The following TMEM178B variants were observed in gnomAD, a reference collection of about 807,000 sequenced individuals.
TMEM178B encodes the protein transmembrane protein 178B.
In TMEM178B, 5 loss-of-function variants were observed where a neutral mutation model predicts 31.0. The ratio of observed to expected loss-of-function variants is 0.16; its 90% CI spans 0.08 to 0.34. TMEM178B has a LOEUF of 0.34. TMEM178B is among the 10% of genes least tolerant of loss of function. TMEM178B has a pLI of 1.00. For missense variants in TMEM178B, 275 were observed against 400.3 expected (o/e 0.69, Z 2.67); for synonymous variants, 164 against 164.0 (o/e 1.00, Z 0.00).
chr7:141,419,999 C>T (rs990875812), intron 2 of TMEM178B, among the ~76,000 whole-genome samples: 1 of 152,120 alleles, frequency 6.6e-6, no homozygotes, highest in African/African-American at 2.4e-5. Context: ...ATCTGCTGTT[C>T]CCTCTACCTG....
intron 1 of TMEM178B, among the ~76,000 whole-genome samples, chr7:141,210,282 C>T (rs575299032): frequency 3.3e-5 from 5 of 152,112 alleles, no homozygotes; most frequent in South Asian, 4.2e-4. Context: ...CTGACCAACA[C>T]GGAGAAACCC....
chr7:141,355,400 C>T (rs866564755), intron 2 of TMEM178B, among the ~76,000 whole-genome samples: 1 of 152,130 alleles, frequency 6.6e-6, no homozygotes, highest in Admixed American at 6.5e-5. Flanking sequence ...ATAATCCCTT[C>T]ATCAGTCATG....
At chr7:141,292,179 G>C (rs1480153525) in intron 2 of TMEM178B, among the ~76,000 whole-genome samples, 1 of 152,184 alleles carries the variant, frequency 6.6e-6, no homozygotes, top group East Asian at 1.9e-4. Flanking sequence ...TTACTTAAAT[G>C]TTCTGTGAAG....
chr7:141,097,022 C>CCAGAAG (rs1271743174), intron 1 of TMEM178B, among the ~76,000 whole-genome samples: 1 of 149,172 alleles, frequency 6.7e-6, no homozygotes, highest in Non-Finnish European at 1.5e-5. Context: ...TCCAGAAGAT[C>CCAGAAG]AAGGCTGCAG....
chr7:141,310,997 A>G (rs927194328), intron 2 of TMEM178B, among the ~76,000 whole-genome samples: 47 of 152,240 alleles, frequency 3.1e-4, no homozygotes, highest in African/African-American at 1.0e-3. Flanking sequence ...TGTCCTTTGC[A>G]GGGACATAGA....
rs771505994 is a variant in TMEM178B, at chr7:141,323,841, TG to T, written c.496+111139del. Among the ~76,000 whole-genome samples, 8 of 151,922 alleles carry T rather than the reference TG, an allele frequency of 5.3e-5. No individual in the cohort carries two copies. The South Asian group carries it at 1.7e-3, about 32-fold the overall frequency. On this transcript the variant is annotated intron_variant, in intron 2 of 3. Coordinates refer to ENST00000565468, the MANE Select transcript of TMEM178B (RefSeq NM_001195278.2). ...TAAGTACAAAGTAGCAAAAAAAGCA[TG>T]GAAAGGGATATGAAGTATTGAAGAG...
intron 3 of TMEM178B, among the ~76,000 whole-genome samples, chr7:141,454,249 C>T (rs1801920482): frequency 6.6e-6 from 1 of 152,208 alleles, no homozygotes. Context: ...AGTGGGGCAG[C>T]CATTCTCTTC....
At chr7:141,218,666 C>T (rs1006543115) in intron 2 of TMEM178B, among the ~76,000 whole-genome samples, 1 of 152,056 alleles carries the variant, frequency 6.6e-6, no homozygotes, top group African/African-American at 2.4e-5. Context: ...CACACCTGGA[C>T]TCTCCGGTGC....
intron 1 of TMEM178B, among the ~76,000 whole-genome samples, chr7:141,180,126 C>T (rs1796497079): frequency 6.6e-6 from 1 of 151,984 alleles, no homozygotes; most frequent in African/African-American, 2.4e-5. Context: ...TGCTTATCAT[C>T]GATATGTCAA....
intron 2 of TMEM178B, among the ~76,000 whole-genome samples, chr7:141,302,680 G>GA (rs933847748): frequency 2.0e-5 from 3 of 151,912 alleles, no homozygotes; most frequent in African/African-American, 7.3e-5. Flanking sequence ...TACCACAGTA[G>GA]AAAAAAAAGT....
At chr7:141,264,658 A>G (rs966634359) in intron 2 of TMEM178B, among the ~76,000 whole-genome samples, 1 of 152,240 alleles carries the variant, frequency 6.6e-6, no homozygotes, top group African/African-American at 2.4e-5. Flanking sequence ...CATTTTGTCC[A>G]TCAGGTGGGT....
At chr7:141,085,567 A>G (rs1794770381) in intron 1 of TMEM178B, among the ~76,000 whole-genome samples, 1 of 152,074 alleles carries the variant, frequency 6.6e-6, no homozygotes, top group Non-Finnish European at 1.5e-5. Context: ...GCTTTTTAAA[A>G]TGCCCTGCTG....
chr7:141,174,430 A>G (rs956486020), intron 1 of TMEM178B, among the ~76,000 whole-genome samples: 1 of 152,158 alleles, frequency 6.6e-6, no homozygotes. Flanking sequence ...ATAAGTGCGC[A>G]TGTGTCTTTA....
intron 2 of TMEM178B, among the ~76,000 whole-genome samples, chr7:141,402,485 C>T (rs1800803837): frequency 1.3e-5 from 2 of 152,222 alleles, no homozygotes. Context: ...TCAAGTGCTG[C>T]TGTCTCTGGC....
chr7:141,487,638 G>A, the TMEM178B span, among the ~76,000 whole-genome samples: 2 of 151,382 alleles, frequency 1.3e-5, no homozygotes, highest in African/African-American at 4.9e-5. Flanking sequence ...CTACTCAGGA[G>A]GCTGAGGCAG....
the TMEM178B span, among the ~76,000 whole-genome samples, chr7:141,498,713 C>T: frequency 6.6e-6 from 1 of 152,214 alleles, no homozygotes; most frequent in African/African-American, 2.4e-5. Context: ...AGTAATCAGT[C>T]TCTGACAGCA....
At chr7:141,498,700 A>G in the TMEM178B span, among the ~76,000 whole-genome samples, 18 of 152,360 alleles carry the variant, frequency 1.2e-4, no homozygotes, top group East Asian at 3.5e-3. Flanking sequence ...TCAGAAGAAG[A>G]GTAGTAATCA....
At chr7:141,248,346 G>A (rs1346248745) in intron 2 of TMEM178B, among the ~76,000 whole-genome samples, 1 of 152,178 alleles carries the variant, frequency 6.6e-6, no homozygotes, top group Non-Finnish European at 1.5e-5. Context: ...GGGAGGCGGA[G>A]GTTGTAGTGA....
chr7:141,499,501 T>C, the TMEM178B span, among the ~76,000 whole-genome samples: 1 of 149,258 alleles, frequency 6.7e-6, no homozygotes, highest in African/African-American at 2.5e-5. Flanking sequence ...CAGCCAGACA[T>C]TGTGGTGCAT....
Sources: allele counts gnomAD v4.1 joint callset (sites outside exome capture counted in the v4.1 genomes callset), GRCh38; gene constraint gnomAD v4.1.1; transcripts MANE v1.5; gene names NCBI Gene and HGNC (gene_info 2026-07-23, HGNC 2026-07-21).